Variants in PXDNL observed in about 807,000 individuals in gnomAD.
The protein encoded by PXDNL is probable oxidoreductase PXDNL.
A neutral mutation model predicts 150.8 loss-of-function variants in PXDNL; 145 were observed. The ratio of observed to expected loss-of-function variants is 0.96; its 90% CI spans 0.84 to 1.10. The LOEUF (loss-of-function observed/expected upper bound fraction) is 1.10. Ranked by LOEUF, PXDNL falls within the 50% of genes least tolerant of loss-of-function variation. The pLI, the probability that PXDNL is intolerant of heterozygous loss-of-function variation, is 0.00. For missense variants in PXDNL, 2,087 were observed against 1,873.9 expected, an observed-to-expected ratio of 1.11 and a Z score of -2.10; for synonymous variants, 757 against 725.7, an observed-to-expected ratio of 1.04 and a Z score of -0.69.
At chr8:51,605,649 T>A (rs528349295) in intron 2 of PXDNL, among the ~76,000 whole-genome samples, 231 of 152,162 alleles carry the variant, frequency 1.5e-3, no homozygotes, top group Non-Finnish European at 1.8e-3. Flanking sequence ...AAAAGAAAAA[T>A]TATAGTTAGA....
At chr8:51,795,645 CA>C (rs900978526) in intron 1 of PXDNL, among the ~76,000 whole-genome samples, 4 of 152,138 alleles carry the variant, frequency 2.6e-5, no homozygotes, top group Admixed American at 2.6e-4. Flanking sequence ...ACAGCTAAAG[CA>C]GTGTTAAGAG....
intron 19 of PXDNL, among the ~76,000 whole-genome samples, chr8:51,350,486 A>T (rs913464660): frequency 6.7e-6 from 1 of 149,258 alleles, no homozygotes; most frequent in Admixed American, 6.8e-5. Context: ...CAGCCTCCTG[A>T]GTAGCTGGGA....
intron 1 of PXDNL, among the ~76,000 whole-genome samples, chr8:51,660,934 C>T (rs1311728271): frequency 1.3e-5 from 2 of 152,164 alleles, no homozygotes; most frequent in Non-Finnish European, 2.9e-5. Flanking sequence ...CTCCCTCAGG[C>T]GATGCCCTTT....
chr8:51,576,962 G>A (rs1356775977), intron 3 of PXDNL, among the ~76,000 whole-genome samples: 1 of 151,918 alleles, frequency 6.6e-6, no homozygotes, highest in East Asian at 1.9e-4. Flanking sequence ...AAGAGATAAT[G>A]TGAATAGTGC....
At chr8:51,748,198 C>G (rs2037007144) in intron 1 of PXDNL, among the ~76,000 whole-genome samples, 1 of 152,204 alleles carries the variant, frequency 6.6e-6, no homozygotes, top group Non-Finnish European at 1.5e-5. Flanking sequence ...ACACCGGGGA[C>G]TTACACACAC....
At chr8:51,402,015 G>A (rs80337466) in intron 17 of PXDNL, among the ~76,000 whole-genome samples, 7,469 of 152,242 alleles carry the variant, frequency 0.049, 198 homozygotes, top group East Asian at 0.074. Flanking sequence ...ACAGGAAAGG[G>A]GCAACCTTTT....
At chr8:51,397,132 T>C (rs1808107095) in intron 17 of PXDNL, among the ~76,000 whole-genome samples, 1 of 152,256 alleles carries the variant, frequency 6.6e-6, no homozygotes, top group Non-Finnish European at 1.5e-5. Flanking sequence ...TTTAGTTTAC[T>C]GCTGTTCTTA....
At chr8:51,737,258 T>C (rs1244316169) in intron 1 of PXDNL, among the ~76,000 whole-genome samples, 2 of 152,260 alleles carry the variant, frequency 1.3e-5, no homozygotes, top group East Asian at 3.8e-4. Flanking sequence ...TATCCTCTAC[T>C]CTAAACACTT....
At chr8:51,713,359 T>C (rs1816539363) in intron 1 of PXDNL, among the ~76,000 whole-genome samples, 1 of 152,224 alleles carries the variant, frequency 6.6e-6, no homozygotes. Flanking sequence ...TCCTAGGCAG[T>C]CTTATCATAA....
intron 1 of PXDNL, among the ~76,000 whole-genome samples, chr8:51,695,520 C>A (rs16916739): frequency 0.035 from 5,246 of 152,058 alleles, 296 homozygotes; most frequent in African/African-American, 0.11. Flanking sequence ...TGTTTGGTGT[C>A]ATTATGTTTT....
chr8:51,579,866 T>A (rs757264778), intron 3 of PXDNL, among the ~76,000 whole-genome samples: 41 of 151,940 alleles, frequency 2.7e-4, no homozygotes, highest in Non-Finnish European at 5.0e-4. Flanking sequence ...AAAAAAGGCT[T>A]TTTGTCCTTG....
intron 8 of PXDNL, among the ~76,000 whole-genome samples, chr8:51,464,010 C>A (rs943646628): frequency 7.1e-6 from 1 of 140,112 alleles, no homozygotes; most frequent in Admixed American, 6.8e-5. Flanking sequence ...AATTAACAAT[C>A]TAAAGGAACT....
At chr8:51,727,708 A>G (rs1281027700) in intron 1 of PXDNL, among the ~76,000 whole-genome samples, 1 of 152,200 alleles carries the variant, frequency 6.6e-6, no homozygotes, top group Admixed American at 6.5e-5. Flanking sequence ...GTCAAGCACC[A>G]GGTTAGCTGT....
chr8:51,612,749 A>G (rs541546303), intron 2 of PXDNL, among the ~76,000 whole-genome samples: 1 of 152,352 alleles, frequency 6.6e-6, no homozygotes, highest in South Asian at 2.1e-4. Context: ...GCCCCTGGCC[A>G]TGCTGGTGCC....
intron 1 of PXDNL, among the ~76,000 whole-genome samples, chr8:51,716,351 A>T (rs1461319182): frequency 6.6e-6 from 1 of 152,242 alleles, no homozygotes; most frequent in Non-Finnish European, 1.5e-5. Flanking sequence ...TAAAACAATC[A>T]TATATTCAAA....
intron 17 of PXDNL, among the ~76,000 whole-genome samples, chr8:51,375,634 T>G (rs1013944676): frequency 3.9e-5 from 6 of 152,250 alleles, no homozygotes; most frequent in African/African-American, 1.4e-4. Flanking sequence ...CTCTGCTGTA[T>G]AGTAAACAGT....
intron 1 of PXDNL, among the ~76,000 whole-genome samples, chr8:51,729,476 A>C (rs1481856671): frequency 1.3e-5 from 2 of 152,194 alleles, no homozygotes; most frequent in African/African-American, 4.8e-5. Context: ...AGAATGGCCA[A>C]AATCCAAAAC....
chr8:51,696,843 CCTGA>C, intron 1 of PXDNL, among the ~76,000 whole-genome samples: 2 of 168 alleles, frequency 0.012, no homozygotes, highest in African/African-American at 0.033. Context: ...ACACACAGGT[CCTGA>C]CACACACACA....
intron 7 of PXDNL, among the ~76,000 whole-genome samples, chr8:51,474,283 C>T (rs540665098): frequency 2.2e-4 from 34 of 152,016 alleles, no homozygotes; most frequent in African/African-American, 7.7e-4. Context: ...TCTATTTAAA[C>T]CGAAATATAG....
Sources: allele counts gnomAD v4.1 joint callset (sites outside exome capture counted in the v4.1 genomes callset), GRCh38; gene constraint gnomAD v4.1.1; transcripts MANE v1.5; gene names NCBI Gene and HGNC (gene_info 2026-07-23, HGNC 2026-07-21).